KLRG1: variants seen among roughly 807,000 people sequenced by gnomAD.
KLRG1 encodes killer cell lectin-like receptor subfamily G member 1.
Under a neutral mutation model 21.8 loss-of-function variants are expected in KLRG1, and 16 were observed. The observed-to-expected ratio is 0.73, with a 90% confidence interval of 0.50 to 1.11. KLRG1 has a LOEUF of 1.11. KLRG1 is among the 50% of genes most tolerant of loss of function. The pLI is 0.00. For synonymous variants in KLRG1, 69 were observed against 75.9 expected (o/e 0.91, Z 0.47); for missense variants, 173 against 218.3 (o/e 0.79, Z 1.31).
At chr12:9,039,824 C>T in the KLRG1 span, among the ~76,000 whole-genome samples, 1 of 152,192 alleles carries the variant, frequency 6.6e-6, no homozygotes, top group African/African-American at 2.4e-5. Flanking sequence ...ACAAATAGTT[C>T]TTTAGTGGCC....
At chr12:9,022,913 G>A in the KLRG1 span, among the ~76,000 whole-genome samples, 3 of 152,318 alleles carry the variant, frequency 2.0e-5, no homozygotes, top group South Asian at 4.1e-4. Flanking sequence ...TGCAGGTGGT[G>A]CACCTGTGTG....
chr12:8,975,073 T>G (rs1294773404), intron 1 of KLRG1, among the ~76,000 whole-genome samples: 1 of 151,992 alleles, frequency 6.6e-6, no homozygotes, highest in Non-Finnish European at 1.5e-5. Context: ...TTTTTTTTTG[T>G]ATTTTTAGTA....
the KLRG1 span, chr12:9,160,056 A>G: frequency 6.3e-7 from 1 of 1,585,052 alleles, no homozygotes; most frequent in Non-Finnish European, 8.7e-7. Flanking sequence ...TTGTTCATGA[A>G]GCATTAAAGA....
At chr12:9,109,201 T>G in the KLRG1 span, 1 of 684,110 alleles carries the variant, frequency 1.5e-6, no homozygotes, top group South Asian at 1.8e-5. Context: ...ATGAGGATGC[T>G]GTCAAAGCAC....
the KLRG1 span, among the ~76,000 whole-genome samples, chr12:9,051,174 G>T: frequency 6.6e-6 from 1 of 152,348 alleles, no homozygotes. Context: ...AACAAGATAG[G>T]ATGGAGAGAA....
intron 3 of KLRG1, among the ~76,000 whole-genome samples, chr12:8,998,343 G>A (rs748902564): frequency 1.1e-4 from 16 of 151,516 alleles, no homozygotes; most frequent in Admixed American, 2.6e-4. Context: ...AAAAAAATTC[G>A]GAGAATTAAT....
At chr12:9,067,864 T>G in the KLRG1 span, 1 of 1,608,180 alleles carries the variant, frequency 6.2e-7, no homozygotes, top group Non-Finnish European at 8.5e-7. Context: ...AGAAAAAAAA[T>G]TAAGACAGAT....
chr12:8,970,764 ATCAAATTGAGAAAGT>A (rs1456075075), intron 1 of KLRG1, among the ~76,000 whole-genome samples: 1 of 152,230 alleles, frequency 6.6e-6, no homozygotes, highest in Non-Finnish European at 1.5e-5. Flanking sequence ...AGAAGCCATT[ATCAAATTGAGAAAGT>A]TTCCTTCTGT....
the KLRG1 span, among the ~76,000 whole-genome samples, chr12:9,144,165 AAGAG>A: frequency 8.7e-5 from 13 of 149,478 alleles, no homozygotes; most frequent in African/African-American, 2.2e-4. Context: ...CCACATGAGG[AAGAG>A]AGAGAGAGAG....
the KLRG1 span, among the ~76,000 whole-genome samples, chr12:9,164,480 T>C: frequency 6.6e-6 from 1 of 152,222 alleles, no homozygotes; most frequent in Non-Finnish European, 1.5e-5. Flanking sequence ...TTAGGGTAGC[T>C]TGTGGACGTG....
chr12:9,077,099 C>T, the KLRG1 span, among the ~76,000 whole-genome samples: 37 of 152,330 alleles, frequency 2.4e-4, no homozygotes, highest in Non-Finnish European at 4.7e-4. Flanking sequence ...GTTATTCTCA[C>T]ATTCAAAAGA....
the KLRG1 span, chr12:9,079,492 G>T: frequency 9.7e-7 from 1 of 1,032,908 alleles, no homozygotes; most frequent in Non-Finnish European, 1.4e-6. Context: ...AGGTTGGAGA[G>T]TGGATAGTTT....
chr12:9,097,367 G>T, the KLRG1 span, among the ~76,000 whole-genome samples: 5 of 152,184 alleles, frequency 3.3e-5, no homozygotes, highest in South Asian at 8.3e-4. Context: ...TCAGTAAGAG[G>T]TTATTACAAT....
Position 8,966,136 on chromosome 12 carries a change from C to T in KLRG1, c.-156+15900C>T, listed in dbSNP as rs777228393. Among the ~76,000 whole-genome samples the T allele has an allele frequency of 6.1e-3, 923 of 152,102 alleles. 6 individuals are homozygous for T. The highest frequency in any genetic ancestry group is 8.9e-3 in the African/African-American group (368 of 41,500). On this transcript the variant is annotated intron_variant, in intron 1 of 4. Transcript: ENST00000539240. ...GTGCTGGGAAAACTGGCTAGCCATA[C>T]ATAGAAAGCTGAAACTGGATCACTT...
the KLRG1 span, among the ~76,000 whole-genome samples, chr12:9,193,383 TA>T: frequency 1.3e-5 from 2 of 152,162 alleles, no homozygotes; most frequent in African/African-American, 4.8e-5. Flanking sequence ...AGTTCCTATT[TA>T]AAAAAACCTT....
the KLRG1 span, among the ~76,000 whole-genome samples, chr12:9,151,912 C>G: frequency 6.6e-6 from 1 of 152,112 alleles, no homozygotes; most frequent in Admixed American, 6.5e-5. Context: ...TAGTGCATAT[C>G]AGTCAGTTTG....
the KLRG1 span, among the ~76,000 whole-genome samples, chr12:9,155,396 C>G: frequency 1.3e-5 from 2 of 152,158 alleles, no homozygotes; most frequent in Admixed American, 1.3e-4. Context: ...TATAAGGCAC[C>G]ACTTCAAATG....
intron 1 of KLRG1, among the ~76,000 whole-genome samples, chr12:8,975,521 TTTTTA>T (rs1486923162): frequency 1.3e-5 from 2 of 152,136 alleles, no homozygotes; most frequent in South Asian, 2.1e-4. Flanking sequence ...CTTCATTCAT[TTTTTA>T]TTTTATTTGT....
the KLRG1 span, chr12:9,166,182 T>G: frequency 6.2e-7 from 1 of 1,611,696 alleles, no homozygotes; most frequent in Admixed American, 1.7e-5. Context: ...ACATATGGTC[T>G]CTCTACTACT....
Sources: gnomAD v4.1 joint callset for allele counts (sites outside exome capture counted in the v4.1 genomes callset) on GRCh38, gnomAD v4.1.1 for gene constraint, MANE v1.5 for transcripts, NCBI Gene and HGNC (gene_info 2026-07-23, HGNC 2026-07-21) for gene names.